The following POM121C variants were observed in gnomAD, a reference collection of about 807,000 sequenced individuals.
POM121C encodes POM121 transmembrane nucleoporin C.
Under a neutral mutation model 66.4 loss-of-function variants are expected in POM121C, and 20 were observed. That is an observed-to-expected ratio of 0.30 (90% CI 0.21 to 0.44). The LOEUF (loss-of-function observed/expected upper bound fraction) is 0.44, where lower values mean the gene tolerates loss of function less well. Ranked by LOEUF, POM121C falls within the 20% of genes least tolerant of loss-of-function variation. The pLI is 1.00. For missense variants in POM121C, 580 were observed against 1,225.7 expected (o/e 0.47, Z 7.87); for synonymous variants, 286 against 528.0 (o/e 0.54, Z 6.28).
At chr7:75,440,860 G>A (rs1455381809) in intron 5 of POM121C, 94 bp downstream of exon 5, 177 of 1,602,938 alleles carry the variant, frequency 1.1e-4, no homozygotes, top group Non-Finnish European at 1.4e-4. Context: ...CTCACAAACT[G>A]GACGTGGCCT....
chr7:75,449,552 G>A (rs1360319848), intron 3 of POM121C, among the ~76,000 whole-genome samples: 5 of 151,980 alleles, frequency 3.3e-5, no homozygotes, highest in Non-Finnish European at 7.4e-5. Context: ...TTTTTTAATA[G>A]AGACAGGGTT....
At chr7:75,451,080 T>C (rs587630655) in intron 3 of POM121C, among the ~76,000 whole-genome samples, 3 of 152,292 alleles carry the variant, frequency 2.0e-5, no homozygotes, top group East Asian at 3.9e-4. Context: ...GAAGAATCAG[T>C]ATTGTGAAAA....
At chr7:75,480,622 A>G (rs1180924185) in intron 1 of POM121C, among the ~76,000 whole-genome samples, 2 of 152,126 alleles carry the variant, frequency 1.3e-5, no homozygotes, top group Non-Finnish European at 2.9e-5. Context: ...CATTCCAGAC[A>G]AAAATTCACA....
chr7:75,457,236 C>T (rs2116467118), intron 3 of POM121C, among the ~76,000 whole-genome samples: 1 of 148,604 alleles, frequency 6.7e-6, no homozygotes, highest in Non-Finnish European at 1.5e-5. Context: ...TCAATCAAAC[C>T]AACAAATTCT....
rs1554471335 is a variant in POM121C at position 75,424,098 on chromosome 7, T to C, written c.999A>G (p.Leu333=). 1.9e-6 allele frequency: 3 copies of C among 1,611,812 alleles called. No individual in the cohort carries two copies. In the South Asian group the frequency reaches 3.3e-5, roughly 18 times the overall value. ...SLLAPSTNPL[L]ESLKKMQTPP... ...GAGTCTGCATCTTCTTCAAGCTCTC[T>C]AACAGTGGGTTGGTGCTTGGGGCCA... Residue 333 remains leucine (L), a synonymous_variant, in exon 12 of 15, where the codon TTA becomes TTG. Coordinates refer to ENST00000615331, the MANE Select transcript of POM121C (RefSeq NM_001099415.3).
chr7:75,451,841 T>C (rs1413395799), intron 3 of POM121C, among the ~76,000 whole-genome samples: 1 of 151,950 alleles, frequency 6.6e-6, no homozygotes. Context: ...CTTAAACAAA[T>C]TTACCAGAAA....
intron 13 of POM121C, 178 bp from the exon 14 acceptor site, chr7:75,419,620 C>T: frequency 2.8e-6 from 2 of 708,132 alleles, no homozygotes; most frequent in Non-Finnish European, 4.5e-6. Flanking sequence ...TGCCTGGTGC[C>T]CCAGCTCAGC....
chr7:75,423,309 GAGTC>G, intron 12 of POM121C, 106 bp from the exon 13 acceptor site: 1 of 1,412,020 alleles, frequency 7.1e-7, no homozygotes, highest in Non-Finnish European at 9.6e-7. Flanking sequence ...TGGGATCCAA[GAGTC>G]AGTCAATAAA....
In POM121C at chr7:75,442,119, G is replaced by A. The variant is rs1156791848; in HGVS notation, c.-151-472C>T. ...TTTCAAGCCAGCCGAGCCAGAGGAT[G>A]ATCTGGGAAAATCAGCGCATCTCAC... On this transcript the variant is annotated intron_variant, in intron 3 of 14. Transcript: ENST00000615331. The A allele has an allele frequency of 2.0e-5, 28 of 1,370,392 alleles. No individual in the cohort carries two copies. The African/African-American group carries it at 4.1e-4, about 20-fold the overall frequency. The allele number at this position is 1,370,392 out of a possible 1,614,324, so 84.9% of individuals were successfully genotyped here.
chr7:75,463,175 T>C lies in POM121C; in HGVS notation c.-152+11529A>G, dbSNP rs587759617. On this transcript the variant is annotated intron_variant, in intron 3 of 14. Transcript: ENST00000615331. ...CCGTCTCTACTAAAAAATACAAAAGTAAGCCGGGTGTGGTGGAAAATTAGC... is the reference window on the plus strand; with the variant it reads ...CCGTCTCTACTAAAAAATACAAAAGCAAGCCGGGTGTGGTGGAAAATTAGC... 4.8e-4 allele frequency among the ~76,000 whole-genome samples: 73 copies of C among 152,086 alleles called. 2 individuals carry two copies. The highest frequency in any genetic ancestry group is 1.6e-3 in the African/African-American group (67 of 41,412).
chr7:75,419,521 T>A (rs365844), intron 13 of POM121C, 79 bp from the exon 14 acceptor site: 1 of 1,535,218 alleles, frequency 6.5e-7, no homozygotes, highest in East Asian at 2.4e-5. Context: ...GCCTGTGCTC[T>A]GCAGGGCACT....
intron 1 of POM121C, among the ~76,000 whole-genome samples, chr7:75,482,059 C>T (rs1792328217): frequency 6.6e-6 from 1 of 151,742 alleles, no homozygotes; most frequent in East Asian, 1.9e-4. Flanking sequence ...ATTAGACTTC[C>T]AGATCAAACT....
At position 75,441,141 on chromosome 7, in the gene POM121C, C is replaced by G. The variant is rs201739507; in HGVS notation, c.66-26G>C. Reference sequence around the variant, plus strand: ...CTATAATGAAAGACAAGATTCTAGCCGTAAGATATTTTAATTCCCATGCCA... The same window carrying G: ...CTATAATGAAAGACAAGATTCTAGCGGTAAGATATTTTAATTCCCATGCCA... On this transcript the variant is annotated intron_variant, in intron 4 of 14. Coordinates refer to ENST00000615331, the MANE Select transcript of POM121C (RefSeq NM_001099415.3). The G allele has an allele frequency of 2.0e-4, 319 of 1,608,234 alleles. 1 individual carries two copies. The African/African-American group carries it at 3.9e-3, about 20-fold the overall frequency.
At chr7:75,423,936 T>C in intron 12 of POM121C, 113 bp downstream of exon 12, 1 of 1,509,722 alleles carries the variant, frequency 6.6e-7, no homozygotes, top group Non-Finnish European at 9.0e-7. Flanking sequence ...TGAGCCAGGG[T>C]GCGTTCGGCC....
chr7:75,425,909 T>A (rs430162), intron 8 of POM121C, among the ~76,000 whole-genome samples: 3 of 143,980 alleles, frequency 2.1e-5, no homozygotes, highest in African/African-American at 7.3e-5. Context: ...ATGAAGACAG[T>A]TTTTGTCTTA....
chr7:75,447,798 C>T (rs1331596487), intron 3 of POM121C, among the ~76,000 whole-genome samples: 8 of 151,514 alleles, frequency 5.3e-5, no homozygotes, highest in African/African-American at 1.9e-4. Flanking sequence ...CCGAGGCAGG[C>T]GGATCACGAG....
Position 75,417,358 on chromosome 7 carries a change from A to ATACT in POM121C, c.*1434_*1437dup. ...AGCTAATTCCTAGTTAATAGCATTT[A>ATACT]TACTTAACCACCTCAATGAACCAAG... On this transcript the variant is annotated 3_prime_UTR_variant, in exon 15 of 15. Coordinates refer to ENST00000615331, the MANE Select transcript of POM121C (RefSeq NM_001099415.3). The ATACT allele has an allele frequency of 3.5e-6, 3 of 861,534 alleles. No individual in the cohort carries two copies. Among genetic ancestry groups the ATACT allele is most frequent in the Non-Finnish European group, 4.2e-6 (3 of 716,642 alleles). The allele number at this position is 861,534 out of a possible 1,614,324, so 53.4% of individuals were successfully genotyped here.
At chr7:75,421,382 C>G in intron 13 of POM121C, 127 bp downstream of exon 13, 1 of 1,498,932 alleles carries the variant, frequency 6.7e-7, no homozygotes, top group Non-Finnish European at 8.9e-7. Context: ...GCCCTGGCAT[C>G]TCACTGAGTT....
intron 3 of POM121C, among the ~76,000 whole-genome samples, chr7:75,469,056 TAC>T (rs1413695482): frequency 2.0e-5 from 3 of 152,046 alleles, no homozygotes; most frequent in Non-Finnish European, 4.4e-5. Context: ...CTCTTTCTCT[TAC>T]ACACTGCATG....
Sources: allele counts gnomAD v4.1 joint callset (sites outside exome capture counted in the v4.1 genomes callset), GRCh38; gene constraint gnomAD v4.1.1; transcripts MANE v1.5; gene names NCBI Gene and HGNC (gene_info 2026-07-23, HGNC 2026-07-21).